USP4: variants seen among roughly 807,000 people sequenced by gnomAD.
The protein encoded by USP4 is ubiquitin carboxyl-terminal hydrolase 4.
In USP4, 72 loss-of-function variants were observed where a neutral mutation model predicts 118.2. That is an observed-to-expected ratio of 0.61 (90% CI 0.50 to 0.74). USP4 has a LOEUF of 0.74. Ranked by LOEUF, USP4 falls within the 30% of genes least tolerant of loss-of-function variation. USP4 has a pLI of 0.00. For synonymous variants in USP4, 415 were observed against 440.4 expected, an observed-to-expected ratio of 0.94 and a Z score of 0.72; for missense variants, 1,037 against 1,185.7, an observed-to-expected ratio of 0.87 and a Z score of 1.84.
chr3:49,297,826 G>T (rs1384239281), intron 13 of USP4, 44 bp downstream of exon 13: 1 of 1,461,694 alleles, frequency 6.8e-7, no homozygotes, highest in Admixed American at 1.7e-5. Context: ...TCTCTAGAAT[G>T]TGTCCTCTGA....
chr3:49,313,351 AC>A (rs1052572956), intron 6 of USP4, among the ~76,000 whole-genome samples: 1 of 149,488 alleles, frequency 6.7e-6, no homozygotes, highest in African/African-American at 2.5e-5. Context: ...ACGTGGTGGA[AC>A]CCCGTCTCTA....
intron 11 of USP4, 66 bp from the exon 12 acceptor site, chr3:49,298,701 A>C (rs904514808): frequency 2.1e-6 from 3 of 1,410,992 alleles, no homozygotes; most frequent in Non-Finnish European, 1.0e-6. Context: ...CATTAGGAGA[A>C]GCAGGCATCA....
intron 6 of USP4, among the ~76,000 whole-genome samples, chr3:49,313,417 A>C (rs745535448): frequency 3.9e-5 from 6 of 152,026 alleles, no homozygotes; most frequent in Non-Finnish European, 7.4e-5. Flanking sequence ...AATCCCAGCT[A>C]CTTGGGAGGC....
Position 49,302,465 on chromosome 3 carries a change from T to C in USP4, c.1206A>G (p.Leu402=). ...QDSQELLAFL[L]DGLHEDLNRV... Reference sequence around the variant, plus strand: ...GGTTCAGATCTTCATGCAATCCATCTAGAAGAAAGGCCAGCAGCTCCTGAG... The same window carrying C: ...GGTTCAGATCTTCATGCAATCCATCCAGAAGAAAGGCCAGCAGCTCCTGAG... The change falls in exon 10 of 22, where the codon CTA becomes CTG. Residue 402 remains leucine (L), a synonymous_variant. Coordinates refer to ENST00000265560, the MANE Select transcript of USP4 (RefSeq NM_003363.4). 1.2e-6 allele frequency: 2 copies of C among 1,614,178 alleles called. No individual in the cohort carries two copies. Among genetic ancestry groups the C allele is most frequent in the Non-Finnish European group, 8.5e-7 (1 of 1,180,042 alleles).
chr3:49,281,491 TACACACAC>T lies in USP4; in HGVS notation c.2541-652_2541-645del, dbSNP rs71077782. Among the ~76,000 whole-genome samples, 203 of 126,534 alleles carry T rather than the reference TACACACAC, an allele frequency of 1.6e-3. 2 individuals are homozygous for T. The highest frequency in any genetic ancestry group is 5.9e-3 in the East Asian group (26 of 4,412). 83.0% of individuals were successfully genotyped at this position (126,534 alleles called of 152,430 possible). ...AAAAGTATGTGTATATATATATATA[TACACACAC>T]ACACACACACACACACACACACACA... On this transcript the variant is annotated intron_variant, in intron 19 of 21. Coordinates refer to ENST00000265560, the MANE Select transcript of USP4 (RefSeq NM_003363.4).
chr3:49,286,816 C>CTCTA (rs57920190), intron 15 of USP4, among the ~76,000 whole-genome samples: 34,971 of 141,136 alleles, frequency 0.25, 4,408 homozygotes, highest in Middle Eastern at 0.34. Context: ...ACTCTAGCCA[C>CTCTA]TCTATCTATC....
Position 49,324,753 on chromosome 3 carries a change from A to G in USP4, c.644T>C (p.Ile215Thr), listed in dbSNP as rs2047534011. The change falls in exon 6 of 22, where the codon ATT becomes ACT. Residue 215 changes from isoleucine (I) to threonine (T), a missense_variant. Ile to Thr is a moderately conservative substitution (Grantham distance 89). This residue lies in a region of USP4 where 487 missense variants were observed against 534.1 expected (regional missense o/e 0.91). Transcript: ENST00000265560. ...TGTGCCATCTTCATTTTGAGGCTCA[A>G]TTACTAGCACCTGAGTGAAAGGGGA... ...AGLYQGQVLVIEPQNEDGTWP... is the reference protein window; with the variant it reads ...AGLYQGQVLVTEPQNEDGTWP... The G allele has an allele frequency of 1.2e-6, 2 of 1,614,220 alleles. No individual in the cohort carries two copies. Among genetic ancestry groups the G allele is most frequent in the African/African-American group, 1.3e-5 (1 of 75,068 alleles).
chr3:49,327,011 A>C (rs1291232757), intron 3 of USP4, among the ~76,000 whole-genome samples: 2 of 152,114 alleles, frequency 1.3e-5, no homozygotes, highest in Non-Finnish European at 2.9e-5. Flanking sequence ...AAAGACTCTT[A>C]AGCATAGAGG....
intron 9 of USP4, among the ~76,000 whole-genome samples, chr3:49,303,419 C>A (rs911227585): frequency 1.7e-5 from 2 of 120,922 alleles, no homozygotes; most frequent in African/African-American, 6.5e-5. Flanking sequence ...CCAGCCTGGG[C>A]GACATAGCAA....
intron 2 of USP4, among the ~76,000 whole-genome samples, chr3:49,330,578 A>G (rs1011632728): frequency 5.3e-5 from 8 of 150,912 alleles, no homozygotes; most frequent in African/African-American, 7.3e-5. Flanking sequence ...TGATCCGCCC[A>G]CCTTGGCCTC....
intron 19 of USP4, among the ~76,000 whole-genome samples, chr3:49,282,654 C>G (rs2047045728): frequency 6.6e-6 from 1 of 152,086 alleles, no homozygotes; most frequent in Non-Finnish European, 1.5e-5. Context: ...CTTCATGTAT[C>G]TATTCTTTCC....
rs576861139 is a variant in USP4 at position 49,277,146 on chromosome 3, C to G, written c.*1147G>C. ...CCCAGGCCGCTGGCCCTACCGGCAC[C>G]CCCCCTTTGGCGAGTCGGCAGCCAC... is the stretch of plus-strand genomic sequence containing the variant. On this transcript the variant is annotated 3_prime_UTR_variant, in exon 22 of 22. Transcript: ENST00000265560. 4.9e-6 allele frequency: 7 copies of G among 1,442,322 alleles called. No homozygotes were observed. Among genetic ancestry groups the G allele is most frequent in the Non-Finnish European group, 5.5e-6 (6 of 1,087,166 alleles). The allele number at this position is 1,442,322 out of a possible 1,614,324, so 89.3% of individuals were successfully genotyped here.
rs2046980268 is a variant in USP4 at position 49,277,975 on chromosome 3, C to T, written c.*318G>A. The T allele has an allele frequency of 4.7e-6, 2 of 429,850 alleles. No homozygotes were observed. Among genetic ancestry groups the T allele is most frequent in the African/African-American group, 4.1e-5 (2 of 48,816 alleles). 26.6% of individuals were successfully genotyped at this position (429,850 alleles called of 1,614,324 possible). The stretch of plus-strand genomic sequence containing the variant: ...GGTCTCCAGGCTGCTCCATACTCAG[C>T]GCCTGTGTTCCTCTCCATTCTTCGG... On this transcript the variant is annotated 3_prime_UTR_variant, in exon 22 of 22. Coordinates refer to ENST00000265560, the MANE Select transcript of USP4 (RefSeq NM_003363.4).
At chr3:49,316,941 C>A in intron 6 of USP4, 1 of 624,062 alleles carries the variant, frequency 1.6e-6, no homozygotes, top group Non-Finnish European at 2.8e-6. Flanking sequence ...TCACTGATGC[C>A]AGTGGAGGTT....
intron 2 of USP4, among the ~76,000 whole-genome samples, chr3:49,328,737 G>A (rs1356238865): frequency 6.6e-6 from 1 of 151,932 alleles, no homozygotes; most frequent in African/African-American, 2.4e-5. Context: ...ATGCATGCCT[G>A]TAGTCCCAGC....
intron 2 of USP4, among the ~76,000 whole-genome samples, chr3:49,331,569 C>A (rs1389541587): frequency 6.6e-6 from 1 of 152,018 alleles, no homozygotes; most frequent in South Asian, 2.1e-4. Flanking sequence ...TGCAGTAAGC[C>A]GAGATTGCAC....
In USP4 at chr3:49,338,044, CAAAAAAAAAAAAAA is replaced by C. The variant is rs57186354; in HGVS notation, c.101+1866_101+1879del. 1.5e-4 allele frequency among the ~76,000 whole-genome samples: 8 copies of C among 52,080 alleles called. No homozygotes were observed. In the East Asian group the frequency reaches 2.4e-3, roughly 15 times the overall value. 34.2% of individuals were successfully genotyped at this position (52,080 alleles called of 152,430 possible). A position where few individuals can be genotyped will look rare whatever the true frequency, so the allele number is the denominator to read the frequency against. On this transcript the variant is annotated intron_variant, in intron 1 of 21. Coordinates refer to ENST00000265560, the MANE Select transcript of USP4 (RefSeq NM_003363.4). ...CTGGTGATGCAGCGAGACTTCGTCT[CAAAAAAAAAAAAAA>C]AAAAAAAAAAAAAAAGTATCTCTAT...
intron 15 of USP4, 125 bp from the exon 16 acceptor site, chr3:49,286,450 A>G: frequency 1.1e-6 from 1 of 932,886 alleles, no homozygotes; most frequent in South Asian, 1.7e-5. Context: ...AGTTAAATCT[A>G]TTCCTTTGCA....
intron 8 of USP4, among the ~76,000 whole-genome samples, chr3:49,307,831 T>TA (rs913238247): frequency 8.6e-5 from 13 of 151,424 alleles, no homozygotes; most frequent in African/African-American, 3.2e-4. Flanking sequence ...AAAACATACA[T>TA]ACAAAACAAA....
Sources: gnomAD v4.1 joint callset for allele counts (sites outside exome capture counted in the v4.1 genomes callset) on GRCh38, gnomAD v4.1.1 for gene constraint, gnomAD v4.1.1 regional missense constraint, MANE v1.5 for transcripts, NCBI Gene and HGNC (gene_info 2026-07-23, HGNC 2026-07-21) for gene names.